PTPRM: variants seen among roughly 807,000 people sequenced by gnomAD.
PTPRM encodes protein tyrosine phosphatase receptor type M.
PTPRM carries 47 observed loss-of-function variants against 186.7 expected under a neutral mutation model. The ratio of observed to expected loss-of-function variants is 0.25; its 90% CI spans 0.20 to 0.32. PTPRM has a LOEUF of 0.32. Among genes scored for constraint, PTPRM ranks in the 10% least tolerant of loss-of-function variants. The probability of loss-of-function intolerance (pLI) is 1.00; values close to 1 mark genes in which losing one functional copy is unlikely to be tolerated. For missense variants in PTPRM, 1,494 were observed against 1,865.0 expected, an observed-to-expected ratio of 0.80 and a Z score of 3.66; for synonymous variants, 668 against 674.9, an observed-to-expected ratio of 0.99 and a Z score of 0.16.
At chr18:8,344,774 C>G (rs1266567686) in intron 23 of PTPRM, among the ~76,000 whole-genome samples, 1 of 151,816 alleles carries the variant, frequency 6.6e-6, no homozygotes, top group East Asian at 1.9e-4. Flanking sequence ...ATCTTGGATC[C>G]CGGGTTTTAA....
chr18:8,283,890 G>A (rs755698887), intron 19 of PTPRM, among the ~76,000 whole-genome samples: 11 of 151,974 alleles, frequency 7.2e-5, no homozygotes, highest in Admixed American at 2.6e-4. Flanking sequence ...CAAAGTGCTG[G>A]GATTACAGGT....
intron 14 of PTPRM, among the ~76,000 whole-genome samples, chr18:8,228,495 A>T (rs1056561261): frequency 1.3e-4 from 20 of 152,142 alleles, no homozygotes; most frequent in Non-Finnish European, 1.3e-4. Context: ...TTGTTTTAAA[A>T]TATGTGTATA....
chr18:7,573,816 C>T (rs1353416824), intron 1 of PTPRM, among the ~76,000 whole-genome samples: 1 of 152,084 alleles, frequency 6.6e-6, no homozygotes, highest in Non-Finnish European at 1.5e-5. Flanking sequence ...GTCTTGAACT[C>T]CTGACCTCAG....
chr18:8,054,297 TAATATA>T lies in PTPRM; in HGVS notation c.1133-15388_1133-15383del, dbSNP rs1339296797. 2.6e-4 allele frequency among the ~76,000 whole-genome samples: 6 copies of T among 22,816 alleles called. 1 individual carries two copies. Among genetic ancestry groups the T allele is most frequent in the African/African-American group, 9.4e-4 (6 of 6,414 alleles). The allele number at this position is 22,816 out of a possible 152,430, so 15.0% of individuals were successfully genotyped here. ...TAGTAGTAATATATACTAGTAGTAG[TAATATA>T]TATATATATATATATATATTACTAC... On this transcript the variant is annotated intron_variant, in intron 7 of 32. Coordinates refer to ENST00000580170, the MANE Select transcript of PTPRM (RefSeq NM_001105244.2).
At chr18:7,753,955 C>T (rs551229674) in intron 1 of PTPRM, among the ~76,000 whole-genome samples, 2 of 152,192 alleles carry the variant, frequency 1.3e-5, no homozygotes, top group Admixed American at 1.3e-4. Flanking sequence ...CCCATCTCCT[C>T]CTATTTCATT....
At chr18:8,285,904 A>T (rs566199175) in intron 19 of PTPRM, among the ~76,000 whole-genome samples, 2 of 152,222 alleles carry the variant, frequency 1.3e-5, no homozygotes, top group South Asian at 4.2e-4. Context: ...AGGCAGGAGG[A>T]TCACTTGAGC....
At chr18:8,359,062 C>G (rs1193706244) in intron 23 of PTPRM, among the ~76,000 whole-genome samples, 1 of 152,120 alleles carries the variant, frequency 6.6e-6, no homozygotes, top group Non-Finnish European at 1.5e-5. Context: ...GTATTAAATA[C>G]TTGGTAATTC....
chr18:8,220,804 A>C (rs1359733651), intron 14 of PTPRM, among the ~76,000 whole-genome samples: 1 of 152,190 alleles, frequency 6.6e-6, no homozygotes, highest in East Asian at 1.9e-4. Flanking sequence ...ATTACATTGA[A>C]TCGATGCTCT....
chr18:8,370,377 T>C lies in PTPRM; in HGVS notation c.3055-513T>C, dbSNP rs2095656765. Among the ~76,000 whole-genome samples, 3 of 152,332 alleles carry C rather than the reference T, an allele frequency of 2.0e-5. No individual in the cohort carries two copies. The South Asian group carries it at 6.2e-4, about 32-fold the overall frequency. On this transcript the variant is annotated intron_variant, in intron 23 of 32. Coordinates refer to ENST00000580170, the MANE Select transcript of PTPRM (RefSeq NM_001105244.2). ...ATTTTAGGAAGTTTTGTTTATTGAA[T>C]TTATTTATACTAAAATGAATCTGTA... is the stretch of plus-strand genomic sequence containing the variant.
intron 14 of PTPRM, among the ~76,000 whole-genome samples, chr18:8,233,547 T>A (rs1568569287): frequency 1.3e-5 from 2 of 152,220 alleles, no homozygotes; most frequent in Non-Finnish European, 2.9e-5. Context: ...TATTTGAACA[T>A]TATGGATACC....
Position 8,158,811 on chromosome 18 carries a change from G to A in PTPRM, c.2300+15032G>A, listed in dbSNP as rs77586686. 3.3e-4 allele frequency among the ~76,000 whole-genome samples: 50 copies of A among 152,272 alleles called. No homozygotes were observed. In the East Asian group the frequency reaches 6.4e-3, roughly 19 times the overall value. ...ATGGCAAGAGCAGGAGCACGAGAGCGAGCGGGAGGGTGTCTCAGACTTTGA... is the reference window on the plus strand; with the variant it reads ...ATGGCAAGAGCAGGAGCACGAGAGCAAGCGGGAGGGTGTCTCAGACTTTGA... On this transcript the variant is annotated intron_variant, in intron 14 of 32. Coordinates refer to ENST00000580170, the MANE Select transcript of PTPRM (RefSeq NM_001105244.2).
At chr18:8,357,988 CTT>C (rs1476763667) in intron 23 of PTPRM, among the ~76,000 whole-genome samples, 3 of 152,162 alleles carry the variant, frequency 2.0e-5, no homozygotes, top group East Asian at 1.9e-4. Context: ...CATTTTATAA[CTT>C]AGAGTAATGA....
intron 14 of PTPRM, among the ~76,000 whole-genome samples, chr18:8,213,985 T>C (rs1380375597): frequency 6.6e-6 from 1 of 152,180 alleles, no homozygotes; most frequent in East Asian, 1.9e-4. Context: ...TGGAAGCCAT[T>C]ATTCTAAATG....
At chr18:8,140,733 C>A (rs1035054151) in intron 13 of PTPRM, among the ~76,000 whole-genome samples, 1 of 152,056 alleles carries the variant, frequency 6.6e-6, no homozygotes, top group Non-Finnish European at 1.5e-5. Context: ...CAAGTTTATT[C>A]TCTTCAAAAG....
intron 7 of PTPRM, among the ~76,000 whole-genome samples, chr18:7,962,028 T>C (rs1472025948): frequency 2.0e-5 from 3 of 152,224 alleles, no homozygotes; most frequent in African/African-American, 7.2e-5. Context: ...CAGAAGATAC[T>C]GGACATACCT....
At chr18:7,659,673 G>A (rs1472716620) in intron 1 of PTPRM, among the ~76,000 whole-genome samples, 1 of 152,164 alleles carries the variant, frequency 6.6e-6, no homozygotes, top group Non-Finnish European at 1.5e-5. Flanking sequence ...GCAGTTTTAT[G>A]TCATTCTTCA....
At chr18:8,113,373 C>T (rs1185825643) in intron 11 of PTPRM, 113 bp from the exon 12 acceptor site, 16 of 944,362 alleles carry the variant, frequency 1.7e-5, no homozygotes, top group Non-Finnish European at 2.6e-5. Context: ...TTAGTATGGA[C>T]TGCGTCCAGT....
intron 4 of PTPRM, 131 bp from the exon 5 acceptor site, chr18:7,926,437 T>C: frequency 1.9e-6 from 1 of 525,548 alleles, no homozygotes; most frequent in East Asian, 3.1e-5. Flanking sequence ...AAAGCTTATA[T>C]AAGCAAAAGC....
At chr18:8,235,337 C>T (rs1367734151) in intron 14 of PTPRM, among the ~76,000 whole-genome samples, 1 of 151,934 alleles carries the variant, frequency 6.6e-6, no homozygotes, top group Non-Finnish European at 1.5e-5. Context: ...CTATTTCAAC[C>T]AGGTCATCAA....
Sources: gnomAD v4.1 joint callset for allele counts (sites outside exome capture counted in the v4.1 genomes callset) on GRCh38, gnomAD v4.1.1 for gene constraint, MANE v1.5 for transcripts, NCBI Gene and HGNC (gene_info 2026-07-23, HGNC 2026-07-21) for gene names.